The following TSHR variants were observed in gnomAD, a reference collection of about 807,000 sequenced individuals.
The protein encoded by TSHR is thyrotropin receptor.
Under a neutral mutation model 64.1 loss-of-function variants are expected in TSHR, and 51 were observed. That is an observed-to-expected ratio of 0.80 (90% CI 0.64 to 1.01). TSHR has a LOEUF of 1.01. Among genes scored for constraint, TSHR ranks in the 50% least tolerant of loss-of-function variants. The probability of loss-of-function intolerance (pLI) is 0.00; values close to 1 mark genes in which losing one functional copy is unlikely to be tolerated. For missense variants in TSHR, 877 were observed against 942.8 expected (o/e 0.93, Z 0.91); for synonymous variants, 361 against 361.9 (o/e 1.00, Z 0.03).
At chr14:81,131,150 A>G (rs1595162030) in intron 8 of TSHR, among the ~76,000 whole-genome samples, 1 of 152,144 alleles carries the variant, frequency 6.6e-6, no homozygotes, top group East Asian at 1.9e-4. Context: ...GGAAATGGCA[A>G]CTTCATTCTC....
At chr14:81,077,486 C>T (rs1250181302) in intron 3 of TSHR, among the ~76,000 whole-genome samples, 1 of 152,200 alleles carries the variant, frequency 6.6e-6, no homozygotes, top group African/African-American at 2.4e-5. Context: ...AATTGCTCAA[C>T]ACATATATAC....
intron 3 of TSHR, among the ~76,000 whole-genome samples, chr14:81,069,786 C>T (rs1198661513): frequency 6.6e-6 from 1 of 151,990 alleles, no homozygotes; most frequent in Non-Finnish European, 1.5e-5. Context: ...AAAAATAACT[C>T]GAGTTTGTGG....
chr14:81,037,636 G>A lies in TSHR; in HGVS notation c.171-24512G>A, dbSNP rs183709418. ...ATAAGGACACACGTAGACTGAAAGC[G>A]AAGGGATGAAAAATGATATTCAATG... On this transcript the variant is annotated intron_variant, in intron 1 of 9. Transcript: ENST00000298171. Among the ~76,000 whole-genome samples the A allele has an allele frequency of 2.4e-3, 360 of 152,112 alleles. 3 individuals are homozygous for A. The highest frequency in any genetic ancestry group is 3.1e-3 in the Admixed American group (47 of 15,264).
Position 81,108,886 on chromosome 14 carries a change from T to C in TSHR, c.692+434T>C. The C allele has an allele frequency of 2.1e-6, 3 of 1,436,728 alleles. No homozygotes were observed. In the South Asian group the frequency reaches 4.4e-5, roughly 21 times the overall value. 89.0% of individuals were successfully genotyped at this position (1,436,728 alleles called of 1,614,324 possible). A position where few individuals can be genotyped will look rare whatever the true frequency, so the allele number is the denominator to read the frequency against. On this transcript the variant is annotated intron_variant, in intron 8 of 9. Transcript: ENST00000298171. ...TATAAATGATAGTTCGACTCGTCTG[T>C]GGAAGAACTTACAATCATGGGGAAA... is the stretch of plus-strand genomic sequence containing the variant.
At chr14:81,000,212 G>A (rs1489578530) in intron 1 of TSHR, among the ~76,000 whole-genome samples, 1 of 151,552 alleles carries the variant, frequency 6.6e-6, no homozygotes, top group African/African-American at 2.4e-5. Context: ...GATTACAGGC[G>A]TGAGCCACCG....
chr14:81,071,180 A>G (rs1397664924), intron 3 of TSHR, among the ~76,000 whole-genome samples: 2 of 152,238 alleles, frequency 1.3e-5, no homozygotes, highest in Admixed American at 1.3e-4. Context: ...TTTCTCAGTC[A>G]GTTATAAATG....
chr14:81,020,302 C>T (rs974007063), intron 1 of TSHR, among the ~76,000 whole-genome samples: 1 of 152,172 alleles, frequency 6.6e-6, no homozygotes, highest in African/African-American at 2.4e-5. Flanking sequence ...GGGCCATGAA[C>T]CAGTACCTGT....
rs971465050 is a variant in TSHR, at chr14:81,103,406, C to A, written c.615-4969C>A. The A allele has an allele frequency of 4.2e-5, 41 of 985,294 alleles. No individual in the cohort carries two copies. In the African/African-American group the frequency reaches 7.0e-4, roughly 17 times the overall value. 61.0% of individuals were successfully genotyped at this position (985,294 alleles called of 1,614,324 possible). ...ACAATGTGTCATCCAAAAGAGCAATCATCCCCTATCATTCCACTTCATGAC... is the reference window on the plus strand; with the variant it reads ...ACAATGTGTCATCCAAAAGAGCAATAATCCCCTATCATTCCACTTCATGAC... On this transcript the variant is annotated intron_variant, in intron 7 of 9. Coordinates refer to ENST00000298171, the MANE Select transcript of TSHR (RefSeq NM_000369.5). This position sits in a 1 kb window ranked among gnomAD's most constrained non-coding sequence, Gnocchi z 4.1.
At chr14:80,987,399 G>A (rs887637621) in intron 1 of TSHR, among the ~76,000 whole-genome samples, 8 of 152,062 alleles carry the variant, frequency 5.3e-5, no homozygotes, top group African/African-American at 1.9e-4. Flanking sequence ...TCCTTTGCTT[G>A]TTTCTATACT....
intron 8 of TSHR, among the ~76,000 whole-genome samples, chr14:81,126,571 T>C (rs1891028960): frequency 6.6e-6 from 1 of 152,210 alleles, no homozygotes; most frequent in Non-Finnish European, 1.5e-5. Context: ...TAAGGGCTTT[T>C]TACCTTGACA....
intron 3 of TSHR, chr14:81,078,922 C>G (rs1180617629): frequency 1.3e-5 from 2 of 152,172 alleles, no homozygotes; most frequent in Non-Finnish European, 2.9e-5. Flanking sequence ...GTCTGGCATC[C>G]TGATCCACAA....
At chr14:80,964,822 C>A (rs899379521) in intron 1 of TSHR, among the ~76,000 whole-genome samples, 1 of 152,152 alleles carries the variant, frequency 6.6e-6, no homozygotes, top group Non-Finnish European at 1.5e-5. Flanking sequence ...AAATGAAAAT[C>A]GCCTGACCTT....
chr14:81,105,558 T>C (rs2140021929), intron 7 of TSHR, among the ~76,000 whole-genome samples: 1 of 152,258 alleles, frequency 6.6e-6, no homozygotes, highest in East Asian at 1.9e-4. Flanking sequence ...ATCCTCCTCC[T>C]CCCCTCCTGG....
intron 3 of TSHR, among the ~76,000 whole-genome samples, chr14:81,085,397 A>C (rs1030604944): frequency 5.3e-5 from 8 of 152,170 alleles, no homozygotes; most frequent in African/African-American, 1.9e-4. Flanking sequence ...TTACCTCAGA[A>C]AGCAGCTTCT....
At chr14:81,004,279 C>G (rs1422682429) in intron 1 of TSHR, among the ~76,000 whole-genome samples, 1 of 152,198 alleles carries the variant, frequency 6.6e-6, no homozygotes, top group Non-Finnish European at 1.5e-5. Context: ...GGATTGTAAT[C>G]TGCCAAAGAA....
intron 3 of TSHR, among the ~76,000 whole-genome samples, chr14:81,070,481 GC>G (rs1307619239): frequency 6.6e-6 from 1 of 151,820 alleles, no homozygotes; most frequent in Non-Finnish European, 1.5e-5. Context: ...ACAAAAATTT[GC>G]CGGGCATGGT....
chr14:81,055,611 G>A (rs1444821393), intron 1 of TSHR, among the ~76,000 whole-genome samples: 1 of 152,208 alleles, frequency 6.6e-6, no homozygotes, highest in East Asian at 1.9e-4. Context: ...TTGCATCAGT[G>A]TGACCTGGAT....
chr14:81,137,060 A>G (rs1891483875), intron 8 of TSHR, among the ~76,000 whole-genome samples: 1 of 152,198 alleles, frequency 6.6e-6, no homozygotes, highest in Non-Finnish European at 1.5e-5. Flanking sequence ...TCTGAATTTT[A>G]GTATCTGCCC....
At chr14:81,006,433 A>G (rs1889607913) in intron 1 of TSHR, among the ~76,000 whole-genome samples, 1 of 152,048 alleles carries the variant, frequency 6.6e-6, no homozygotes, top group Non-Finnish European at 1.5e-5. Flanking sequence ...TATCAAGGAC[A>G]CCAGTCAATT....
Sources: allele counts gnomAD v4.1 joint callset (sites outside exome capture counted in the v4.1 genomes callset), GRCh38; gene constraint gnomAD v4.1.1; non-coding constraint Gnocchi (gnomAD v3.1); transcripts MANE v1.5; gene names NCBI Gene and HGNC (gene_info 2026-07-23, HGNC 2026-07-21).